Variants in IMMP2L observed in about 807,000 individuals in gnomAD.
IMMP2L encodes inner mitochondrial membrane peptidase subunit 2.
IMMP2L carries 18 observed loss-of-function variants against 19.3 expected under a neutral mutation model. That is an observed-to-expected ratio of 0.93 (90% CI 0.64 to 1.38). The LOEUF is 1.38. Ranked by LOEUF, IMMP2L falls within the 40% of genes most tolerant of loss-of-function variation. The pLI is 0.00. For missense variants in IMMP2L, 233 were observed against 218.2 expected (o/e 1.07, Z -0.43); for synonymous variants, 76 against 73.0 (o/e 1.04, Z -0.21).
chr7:110,802,234 T>C (rs994445369), intron 5 of IMMP2L, among the ~76,000 whole-genome samples: 17 of 152,174 alleles, frequency 1.1e-4, no homozygotes, highest in African/African-American at 3.9e-4. Flanking sequence ...TTCTGAATTT[T>C]CATGAAATTA....
intron 3 of IMMP2L, among the ~76,000 whole-genome samples, chr7:111,301,148 G>A (rs1822194377): frequency 6.6e-6 from 1 of 152,076 alleles, no homozygotes; most frequent in South Asian, 2.1e-4. Flanking sequence ...TGATAGGTGT[G>A]TAGTAATAAC....
chr7:111,301,666 T>C (rs143888790), intron 3 of IMMP2L, among the ~76,000 whole-genome samples: 199 of 152,224 alleles, frequency 1.3e-3, no homozygotes, highest in African/African-American at 4.7e-3. Flanking sequence ...TTCATTATTT[T>C]ACCTGTGAAT....
intron 3 of IMMP2L, among the ~76,000 whole-genome samples, chr7:111,479,695 T>G (rs544933776): frequency 2.3e-4 from 35 of 152,076 alleles, no homozygotes; most frequent in African/African-American, 8.2e-4. Flanking sequence ...AATGCCGTCT[T>G]GTACTTACTC....
intron 3 of IMMP2L, among the ~76,000 whole-genome samples, chr7:111,262,906 A>T (rs554837124): frequency 4.6e-5 from 7 of 152,180 alleles, no homozygotes; most frequent in African/African-American, 7.2e-5. Context: ...TAATTAATAG[A>T]GTTTGATACT....
chr7:111,542,050 A>G (rs2132976209), intron 1 of IMMP2L, among the ~76,000 whole-genome samples: 1 of 152,174 alleles, frequency 6.6e-6, no homozygotes, highest in Non-Finnish European at 1.5e-5. Flanking sequence ...TCATATCAAC[A>G]TTTTCGTATA....
At chr7:110,846,348 CTTTTTT>C (rs919194286) in intron 5 of IMMP2L, among the ~76,000 whole-genome samples, 1 of 126,422 alleles carries the variant, frequency 7.9e-6, no homozygotes, top group South Asian at 2.7e-4. Context: ...ACCCTGATTT[CTTTTTT>C]TTTTTTTTTT....
At chr7:111,557,352 C>T (rs1791486967) in intron 1 of IMMP2L, among the ~76,000 whole-genome samples, 1 of 152,132 alleles carries the variant, frequency 6.6e-6, no homozygotes. Flanking sequence ...TATCCAGTTT[C>T]ATCTAGGAAG....
At chr7:111,243,042 G>C (rs920779018) in intron 3 of IMMP2L, among the ~76,000 whole-genome samples, 2 of 151,756 alleles carry the variant, frequency 1.3e-5, no homozygotes, top group African/African-American at 4.8e-5. Flanking sequence ...CACTTTTCTT[G>C]TGAACCACAT....
At chr7:110,669,490 G>T (rs1343906296) in intron 5 of IMMP2L, among the ~76,000 whole-genome samples, 1 of 152,122 alleles carries the variant, frequency 6.6e-6, no homozygotes, top group Non-Finnish European at 1.5e-5. Flanking sequence ...AATAATGCTC[G>T]ACCAAAGATC....
At chr7:110,868,017 T>A (rs1808156628) in intron 5 of IMMP2L, among the ~76,000 whole-genome samples, 1 of 151,880 alleles carries the variant, frequency 6.6e-6, no homozygotes, top group Admixed American at 6.6e-5. Context: ...AAAACAGCAA[T>A]TAACTGAAGG....
intron 1 of IMMP2L, among the ~76,000 whole-genome samples, chr7:111,535,124 G>A (rs1271254568): frequency 6.6e-6 from 1 of 151,986 alleles, no homozygotes; most frequent in African/African-American, 2.4e-5. Context: ...TCTGTTCCTA[G>A]CCCTATTTTC....
chr7:110,743,345 T>C (rs889222243), intron 5 of IMMP2L, among the ~76,000 whole-genome samples: 3 of 152,178 alleles, frequency 2.0e-5, no homozygotes, highest in African/African-American at 7.2e-5. Context: ...AATCTTTCAT[T>C]TGAATCTGAA....
chr7:110,888,192 A>C (rs1264758325), intron 4 of IMMP2L, among the ~76,000 whole-genome samples: 1 of 152,156 alleles, frequency 6.6e-6, no homozygotes, highest in Non-Finnish European at 1.5e-5. Flanking sequence ...TTTAAAGAAA[A>C]GTGAAAAACA....
rs6954984 is a variant in IMMP2L, at chr7:111,080,342, T to G, written c.240-116777A>C. On this transcript the variant is annotated intron_variant, in intron 3 of 5. Coordinates refer to ENST00000405709, the MANE Select transcript of IMMP2L (RefSeq NM_032549.4). The stretch of plus-strand genomic sequence containing the variant: ...ACTGTACTTGAAACAAAACAAGGGC[T>G]GTTAGATTTGACTCAATCCTTTCAA... Among the ~76,000 whole-genome samples, 1,348 of 152,184 alleles carry G rather than the reference T, an allele frequency of 8.9e-3. 21 individuals are homozygous for G. The highest frequency in any genetic ancestry group is 0.029 in the African/African-American group (1,222 of 41,528).
chr7:111,158,456 G>T (rs1804888770), intron 3 of IMMP2L, among the ~76,000 whole-genome samples: 1 of 152,068 alleles, frequency 6.6e-6, no homozygotes, highest in Non-Finnish European at 1.5e-5. Context: ...AGAAAGTAGT[G>T]ACAATTATGC....
intron 3 of IMMP2L, among the ~76,000 whole-genome samples, chr7:111,141,924 G>A (rs753735442): frequency 4.6e-5 from 7 of 152,046 alleles, no homozygotes; most frequent in Admixed American, 6.6e-5. Flanking sequence ...GGCTGGTATC[G>A]AACTCTTGGC....
chr7:110,723,981 T>A (rs890486275), intron 5 of IMMP2L, among the ~76,000 whole-genome samples: 2 of 152,116 alleles, frequency 1.3e-5, no homozygotes, highest in Admixed American at 6.6e-5. Flanking sequence ...AGCTTATAAG[T>A]AATTTATATG....
chr7:111,174,792 T>C (rs1806853667), intron 3 of IMMP2L, among the ~76,000 whole-genome samples: 1 of 151,816 alleles, frequency 6.6e-6, no homozygotes, highest in Non-Finnish European at 1.5e-5. Flanking sequence ...CTGAAATCAA[T>C]ACTTGTGCAG....
At chr7:111,276,641 GAA>G (rs1212928126) in intron 3 of IMMP2L, among the ~76,000 whole-genome samples, 3 of 132,060 alleles carry the variant, frequency 2.3e-5, no homozygotes, top group Admixed American at 7.5e-5. Flanking sequence ...ATGTGGAACC[GAA>G]AAAAAAAAAA....
Sources: gnomAD v4.1 joint callset for allele counts (sites outside exome capture counted in the v4.1 genomes callset) on GRCh38, gnomAD v4.1.1 for gene constraint, MANE v1.5 for transcripts, NCBI Gene and HGNC (gene_info 2026-07-23, HGNC 2026-07-21) for gene names.